LCLAT1: variants seen among roughly 807,000 people sequenced by gnomAD.
The protein encoded by LCLAT1 is 1-AGP acyltransferase 8.
Under a neutral mutation model 30.7 loss-of-function variants are expected in LCLAT1, and 11 were observed. That is an observed-to-expected ratio of 0.36 (90% confidence interval 0.23 to 0.59). The LOEUF is 0.59. Among genes scored for constraint, LCLAT1 ranks in the 20% least tolerant of loss-of-function variants. The probability of loss-of-function intolerance (pLI) is 0.77; values close to 1 mark genes in which losing one functional copy is unlikely to be tolerated. For missense variants in LCLAT1, 402 were observed against 458.6 expected (o/e 0.88, Z 1.13); for synonymous variants, 155 against 151.3 (o/e 1.02, Z -0.18).
chr2:30,508,025 C>T (rs978932021), intron 1 of LCLAT1, among the ~76,000 whole-genome samples: 1 of 152,126 alleles, frequency 6.6e-6, no homozygotes, highest in East Asian at 1.9e-4. Flanking sequence ...TTTTGATTTG[C>T]ATTTCTGTAA....
chr2:30,624,914 C>G (rs962370581), intron 5 of LCLAT1, among the ~76,000 whole-genome samples: 2 of 152,182 alleles, frequency 1.3e-5, no homozygotes, highest in African/African-American at 4.8e-5. Context: ...ATCCAGTACT[C>G]TCTCAGACCA....
intron 1 of LCLAT1, among the ~76,000 whole-genome samples, chr2:30,518,751 T>G (rs1035093027): frequency 6.6e-6 from 1 of 152,218 alleles, no homozygotes; most frequent in African/African-American, 2.4e-5. Context: ...GGATGCCTTT[T>G]TCTGTATCCC....
At chr2:30,534,287 GTCTC>G (rs901205808) in intron 3 of LCLAT1, among the ~76,000 whole-genome samples, 3 of 148,094 alleles carry the variant, frequency 2.0e-5, no homozygotes, top group African/African-American at 7.5e-5. Context: ...GGGAGACGGA[GTCTC>G]TCTCTGTCGC....
chr2:30,575,395 C>T (rs1665951713), intron 5 of LCLAT1, among the ~76,000 whole-genome samples: 1 of 152,004 alleles, frequency 6.6e-6, no homozygotes. Context: ...TAGTTTGGTA[C>T]AAATTTTTAA....
chr2:30,491,947 A>G (rs1683853502), intron 1 of LCLAT1, among the ~76,000 whole-genome samples: 1 of 152,228 alleles, frequency 6.6e-6, no homozygotes, highest in Non-Finnish European at 1.5e-5. Flanking sequence ...TGCAAAAAAG[A>G]TAAAATGTGT....
chr2:30,549,063 T>C (rs554477053), intron 3 of LCLAT1, among the ~76,000 whole-genome samples: 87 of 152,336 alleles, frequency 5.7e-4, no homozygotes, highest in Non-Finnish European at 1.1e-3. Flanking sequence ...GAGAACTAAG[T>C]AATTTTTTAG....
chr2:30,514,048 C>G (rs375741084), intron 1 of LCLAT1, among the ~76,000 whole-genome samples: 49 of 152,310 alleles, frequency 3.2e-4, no homozygotes, highest in African/African-American at 1.2e-3. Context: ...TTTGGGGGCT[C>G]ACAACTGCAT....
At chr2:30,499,933 C>T (rs549988219) in intron 1 of LCLAT1, among the ~76,000 whole-genome samples, 28 of 152,218 alleles carry the variant, frequency 1.8e-4, no homozygotes, top group African/African-American at 6.3e-4. Flanking sequence ...CCATCTGTTA[C>T]TTACTTTGAT....
chr2:30,501,076 C>CTGTGTGTGTGTGTGTG (rs1553362946), intron 1 of LCLAT1, among the ~76,000 whole-genome samples: 1 of 146,496 alleles, frequency 6.8e-6, no homozygotes, highest in Non-Finnish European at 1.5e-5. Context: ...TTGTTTTGTT[C>CTGTGTGTGTGTGTGTG]TGTGTGTGTG....
chr2:30,630,110 C>G (rs1256231052), intron 5 of LCLAT1, among the ~76,000 whole-genome samples: 1 of 152,138 alleles, frequency 6.6e-6, no homozygotes, highest in African/African-American at 2.4e-5. Flanking sequence ...CCTGAAGCCT[C>G]TCCTTCATGG....
At chr2:30,529,019 G>A (rs1200446219) in intron 2 of LCLAT1, among the ~76,000 whole-genome samples, 1 of 152,046 alleles carries the variant, frequency 6.6e-6, no homozygotes, top group African/African-American at 2.4e-5. Flanking sequence ...GAGTTTTTAA[G>A]CAATAATAAA....
At chr2:30,576,282 T>A (rs563912798) in intron 5 of LCLAT1, among the ~76,000 whole-genome samples, 1 of 152,270 alleles carries the variant, frequency 6.6e-6, no homozygotes, top group East Asian at 1.9e-4. Context: ...TTCGGTAGAC[T>A]TTACACTGAC....
At chr2:30,622,678 T>G (rs1217798188) in intron 5 of LCLAT1, among the ~76,000 whole-genome samples, 1 of 152,178 alleles carries the variant, frequency 6.6e-6, no homozygotes, top group Non-Finnish European at 1.5e-5. Context: ...GTAGCTCCGC[T>G]GGTTGGCTAG....
At chr2:30,583,290 G>A (rs1666284039) in intron 5 of LCLAT1, among the ~76,000 whole-genome samples, 1 of 152,142 alleles carries the variant, frequency 6.6e-6, no homozygotes, top group East Asian at 1.9e-4. Flanking sequence ...ATAGAGATAG[G>A]TAGCAATTAC....
intron 1 of LCLAT1, chr2:30,489,127 TC>T (rs1683705790): frequency 6.6e-6 from 1 of 152,200 alleles, no homozygotes; most frequent in Non-Finnish European, 1.5e-5. Flanking sequence ...CTGGCAAGTA[TC>T]TTAATCTTAT....
chr2:30,500,192 A>G (rs1051659759), intron 1 of LCLAT1, among the ~76,000 whole-genome samples: 6 of 152,220 alleles, frequency 3.9e-5, no homozygotes, highest in African/African-American at 1.4e-4. Context: ...TGAGGTGTTA[A>G]TCATGAAAAC....
At chr2:30,615,764 A>G (rs1195468548) in intron 5 of LCLAT1, among the ~76,000 whole-genome samples, 1 of 152,230 alleles carries the variant, frequency 6.6e-6, no homozygotes, top group Non-Finnish European at 1.5e-5. Context: ...TGGCTTATGC[A>G]CTTTGAGTCT....
At chr2:30,624,033 A>C (rs1668392388) in intron 5 of LCLAT1, among the ~76,000 whole-genome samples, 1 of 152,200 alleles carries the variant, frequency 6.6e-6, no homozygotes, top group Non-Finnish European at 1.5e-5. Flanking sequence ...AACTGAAGGA[A>C]AGATACAGTC....
At chr2:30,566,238 C>G (rs558891488) in intron 4 of LCLAT1, among the ~76,000 whole-genome samples, 1 of 152,288 alleles carries the variant, frequency 6.6e-6, no homozygotes, top group South Asian at 2.1e-4. Context: ...TACTCACATT[C>G]TACAACAGTT....
Sources: allele counts gnomAD v4.1 joint callset (sites outside exome capture counted in the v4.1 genomes callset), GRCh38; gene constraint gnomAD v4.1.1; transcripts MANE v1.5; gene names NCBI Gene and HGNC (gene_info 2026-07-23, HGNC 2026-07-21).